CHM: variants seen among roughly 807,000 people sequenced by gnomAD.
CHM encodes CHM Rab escort protein.
In CHM, 10 loss-of-function variants were observed where a neutral mutation model predicts 49.0. The ratio of observed to expected loss-of-function variants is 0.20; its 90% CI spans 0.13 to 0.35. CHM has a LOEUF of 0.35. Among genes scored for constraint, CHM ranks in the 10% least tolerant of loss-of-function variants. CHM has a pLI of 1.00. For synonymous variants in CHM, 184 were observed against 167.5 expected, an observed-to-expected ratio of 1.10 and a Z score of -0.76; for missense variants, 455 against 478.4, an observed-to-expected ratio of 0.95 and a Z score of 0.46.
chrX:86,035,824 C>T (rs776933758), intron 1 of CHM, among the ~76,000 whole-genome samples: 1 of 90,692 alleles, frequency 1.1e-5, no homozygotes, highest in African/African-American at 4.2e-5. Context: ...GATGGAGCCT[C>T]GCTCTGTTGC....
chrX:85,938,569 G>A (rs1928921834), intron 8 of CHM, among the ~76,000 whole-genome samples: 1 of 105,866 alleles, frequency 9.4e-6, no homozygotes, highest in African/African-American at 3.5e-5. Flanking sequence ...TTGGTGGTGG[G>A]GTTGCAGGGG....
chrX:85,971,608 G>T (rs984350601), intron 4 of CHM: 1 of 290,938 alleles, frequency 3.4e-6, no homozygotes, highest in African/African-American at 2.8e-5. Context: ...GCAGCAGCAA[G>T]ATTTATTGCA....
intron 4 of CHM, among the ~76,000 whole-genome samples, chrX:85,967,425 G>C (rs1208226149): frequency 9.0e-6 from 1 of 111,668 alleles, no homozygotes; most frequent in Non-Finnish European, 1.9e-5. Context: ...AATGAACCTT[G>C]GAGTTCTAAG....
chrX:86,022,498 T>A (rs1933648518), intron 2 of CHM, among the ~76,000 whole-genome samples: 2 of 111,569 alleles, frequency 1.8e-5, no homozygotes, highest in African/African-American at 6.5e-5. Context: ...CCTGCTTTTC[T>A]TCTCAACCTC....
intron 2 of CHM, among the ~76,000 whole-genome samples, chrX:86,002,917 G>T (rs959686808): frequency 1.8e-5 from 2 of 112,234 alleles, no homozygotes; most frequent in Non-Finnish European, 3.8e-5. Flanking sequence ...CTCTGAGAAC[G>T]AACAGACTGC....
chrX:85,984,733 C>T (rs1426006412), intron 2 of CHM, among the ~76,000 whole-genome samples: 1 of 111,576 alleles, frequency 9.0e-6, no homozygotes, highest in Admixed American at 9.5e-5. Context: ...AACAAACTGT[C>T]GTATATCCAT....
intron 8 of CHM, among the ~76,000 whole-genome samples, chrX:85,911,993 G>C (rs1199134313): frequency 2.7e-5 from 3 of 110,869 alleles, no homozygotes; most frequent in African/African-American, 9.8e-5. Context: ...GATTATTAAA[G>C]AGCTATGCCT....
chrX:86,021,051 T>TAC (rs1224918687), intron 2 of CHM, among the ~76,000 whole-genome samples: 1 of 97,065 alleles, frequency 1.0e-5, no homozygotes, highest in Non-Finnish European at 2.1e-5. Context: ...TACACATATA[T>TAC]ACACACATAT....
intron 12 of CHM, among the ~76,000 whole-genome samples, chrX:85,892,357 C>A (rs1199035151): frequency 3.6e-5 from 4 of 111,209 alleles, no homozygotes; most frequent in African/African-American, 1.3e-4. Flanking sequence ...TCCCAGAATT[C>A]CCATGTGTTG....
chrX:85,966,841 T>C (rs1403981998), intron 4 of CHM, among the ~76,000 whole-genome samples: 1 of 112,075 alleles, frequency 8.9e-6, no homozygotes, highest in Non-Finnish European at 1.9e-5. Flanking sequence ...ATCTAGTCAG[T>C]GGTTCTCTAT....
chrX:85,992,870 G>A (rs984148560), intron 2 of CHM, among the ~76,000 whole-genome samples: 1 of 112,157 alleles, frequency 8.9e-6, no homozygotes, highest in Non-Finnish European at 1.9e-5. Context: ...GATCGTGTTC[G>A]CAGTCATTAG....
chrX:85,950,642 T>C (rs1040105406), intron 8 of CHM, among the ~76,000 whole-genome samples: 2 of 111,650 alleles, frequency 1.8e-5, no homozygotes. Flanking sequence ...ACAATACTTA[T>C]AAAGATATTG....
At chrX:85,916,131 C>T (rs1176295617) in intron 8 of CHM, among the ~76,000 whole-genome samples, 7 of 110,872 alleles carry the variant, frequency 6.3e-5, no homozygotes, top group African/African-American at 1.6e-4. Context: ...ATACAGAACC[C>T]AGAAAAAAGA....
chrX:85,886,998 T>C (rs1334344007), intron 12 of CHM, among the ~76,000 whole-genome samples: 1 of 106,161 alleles, frequency 9.4e-6, no homozygotes, highest in Non-Finnish European at 1.9e-5. Context: ...GAACATTAAC[T>C]TCTCTTTTTA....
At chrX:85,969,837 A>G (rs1930793168) in intron 4 of CHM, 1 of 112,297 alleles carries the variant, frequency 8.9e-6, no homozygotes, top group African/African-American at 3.2e-5. Flanking sequence ...AGAACATTAT[A>G]TTAAGTGAAA....
intron 2 of CHM, among the ~76,000 whole-genome samples, chrX:85,988,710 G>A (rs1932038238): frequency 9.0e-6 from 1 of 111,152 alleles, no homozygotes; most frequent in Non-Finnish European, 1.9e-5. Flanking sequence ...TCGATAATAG[G>A]CAAGCTAAGA....
intron 10 of CHM, 31 bp from the exon 11 acceptor site, chrX:85,900,740 T>G: frequency 2.9e-6 from 3 of 1,031,913 alleles, no homozygotes; most frequent in Non-Finnish European, 4.1e-6. Context: ...AAGCAGTAAT[T>G]CTGATTCCAT....
intron 2 of CHM, among the ~76,000 whole-genome samples, chrX:86,010,355 A>T (rs1362890042): frequency 1.1e-5 from 1 of 90,821 alleles, no homozygotes; most frequent in Non-Finnish European, 2.0e-5. Context: ...AAGGATAATT[A>T]AAAAAAAAAA....
intron 2 of CHM, among the ~76,000 whole-genome samples, chrX:86,017,329 G>A (rs775333152): frequency 4.5e-5 from 5 of 109,957 alleles, no homozygotes; most frequent in South Asian, 3.9e-4. Flanking sequence ...GGCCAAGGGC[G>A]GAATGATATG....
Sources: gnomAD v4.1 joint callset for allele counts (sites outside exome capture counted in the v4.1 genomes callset) on GRCh38, gnomAD v4.1.1 for gene constraint, MANE v1.5 for transcripts, NCBI Gene and HGNC (gene_info 2026-07-23, HGNC 2026-07-21) for gene names.